The following CCDC81 variants were observed in gnomAD, a reference collection of about 807,000 sequenced individuals.
The protein encoded by CCDC81 is coiled-coil domain-containing protein 81.
CCDC81 carries 79 observed loss-of-function variants against 83.7 expected under a neutral mutation model. That is an observed-to-expected ratio of 0.94 (90% confidence interval 0.79 to 1.14). The LOEUF (loss-of-function observed/expected upper bound fraction) is 1.14, where lower values mean the gene tolerates loss of function less well. Ranked by LOEUF, CCDC81 falls within the 50% of genes most tolerant of loss-of-function variation. The pLI is 0.00. For missense variants in CCDC81, 791 were observed against 778.1 expected, an observed-to-expected ratio of 1.02 and a Z score of -0.20; for synonymous variants, 252 against 278.1, an observed-to-expected ratio of 0.91 and a Z score of 0.93.
chr11:86,404,098 G>A (rs1287689863), intron 7 of CCDC81, among the ~76,000 whole-genome samples: 1 of 151,978 alleles, frequency 6.6e-6, no homozygotes, highest in African/African-American at 2.4e-5. Context: ...AATCCTCTTG[G>A]ATCATAAGAA....
At chr11:86,405,688 T>C (rs987347920) in intron 7 of CCDC81, among the ~76,000 whole-genome samples, 1 of 152,232 alleles carries the variant, frequency 6.6e-6, no homozygotes, top group South Asian at 2.1e-4. Context: ...TGGTTTTAAG[T>C]GTTAAAACAT....
intron 11 of CCDC81, chr11:86,414,210 G>A (rs1948684610): frequency 6.6e-6 from 1 of 152,140 alleles, no homozygotes; most frequent in Non-Finnish European, 1.5e-5. Flanking sequence ...TGGTGGTGAT[G>A]TGTCTGCTGT....
chr11:86,392,971 A>G (rs1565761264), intron 4 of CCDC81, among the ~76,000 whole-genome samples, 174 bp downstream of exon 4: 2 of 152,270 alleles, frequency 1.3e-5, no homozygotes, highest in Non-Finnish European at 2.9e-5. Flanking sequence ...AAGATCAGGA[A>G]GGCAAAGGAA....
intron 1 of CCDC81, among the ~76,000 whole-genome samples, chr11:86,378,697 G>A (rs1218201621): frequency 6.6e-6 from 1 of 152,142 alleles, no homozygotes; most frequent in Non-Finnish European, 1.5e-5. Flanking sequence ...CTTCTTGAAA[G>A]ATTGACCCCT....
At chr11:86,409,517 G>A in intron 10 of CCDC81, 152 bp downstream of exon 10, 1 of 420,456 alleles carries the variant, frequency 2.4e-6, no homozygotes, top group Non-Finnish European at 4.3e-6. Flanking sequence ...CAATGGTGTG[G>A]TCTCAGCTCA....
chr11:86,407,243 T>C (rs1446594170), intron 7 of CCDC81, among the ~76,000 whole-genome samples: 2 of 152,234 alleles, frequency 1.3e-5, no homozygotes, highest in African/African-American at 4.8e-5. Flanking sequence ...CAGGGACTTT[T>C]GTATGTGTGT....
At chr11:86,393,557 T>C (rs183549119) in intron 4 of CCDC81, among the ~76,000 whole-genome samples, 2 of 152,356 alleles carry the variant, frequency 1.3e-5, no homozygotes, top group East Asian at 3.9e-4. Context: ...CTGGTTCTAC[T>C]ATTTTATTTT....
chr11:86,384,372 T>C (rs1948212950), intron 1 of CCDC81, among the ~76,000 whole-genome samples: 1 of 152,056 alleles, frequency 6.6e-6, no homozygotes, highest in Non-Finnish European at 1.5e-5. Context: ...TGCCTGATTA[T>C]AGAAAGTGAT....
chr11:86,412,089 C>G (rs182409090), intron 10 of CCDC81, among the ~76,000 whole-genome samples: 2 of 152,342 alleles, frequency 1.3e-5, no homozygotes, highest in Admixed American at 1.3e-4. Flanking sequence ...TCCTTGGCTA[C>G]AGCACCCAAT....
chr11:86,379,844 C>A (rs950252671), intron 1 of CCDC81, among the ~76,000 whole-genome samples: 2 of 152,060 alleles, frequency 1.3e-5, no homozygotes, highest in African/African-American at 2.4e-5. Context: ...ATTAGATGGA[C>A]ATGGTGGCAC....
chr11:86,412,312 T>C (rs1948653945), intron 10 of CCDC81, 75 bp from the exon 11 acceptor site: 2 of 1,150,582 alleles, frequency 1.7e-6, no homozygotes, highest in Non-Finnish European at 1.2e-6. Context: ...CTTTCTGATT[T>C]ATCTTAGTCT....
chr11:86,389,755 G>C (rs529569483), intron 3 of CCDC81, among the ~76,000 whole-genome samples: 1 of 152,314 alleles, frequency 6.6e-6, no homozygotes, highest in Admixed American at 6.5e-5. Flanking sequence ...ACATTTTATA[G>C]TGGTTTTTAA....
chr11:86,414,828 G>A lies in CCDC81; in HGVS notation c.1431G>A (p.Met477Ile), dbSNP rs757143102. The change falls in exon 12 of 15, where the codon ATG (methionine) becomes ATA (isoleucine). Residue 477 changes from methionine to isoleucine, a missense_variant. Coordinates refer to ENST00000445632, the MANE Select transcript of CCDC81 (RefSeq NM_001156474.2). ...GAGCGAAATTTTTAAAAGATAAGAT[G>A]GAAGAAACACAGTGTTACAAGAGAG... ...AQRAKFLKDK[M>I]EETQCYKRAL... is the part of the protein sequence containing the mutation. 16 of 1,611,954 alleles carry A rather than the reference G, an allele frequency of 9.9e-6. No individual in the cohort carries two copies. The highest frequency in any genetic ancestry group is 1.4e-5 in the Non-Finnish European group (16 of 1,179,636).
chr11:86,396,656 G>A (rs547780260), intron 5 of CCDC81, among the ~76,000 whole-genome samples: 18 of 152,180 alleles, frequency 1.2e-4, no homozygotes, highest in African/African-American at 4.3e-4. Context: ...AGCCTTAGAG[G>A]TTGTTTTCCA....
At chr11:86,412,318 A>G in intron 10 of CCDC81, 69 bp from the exon 11 acceptor site, 2 of 1,170,968 alleles carry the variant, frequency 1.7e-6, no homozygotes, top group Non-Finnish European at 2.4e-6. Context: ...GATTTATCTT[A>G]GTCTTCTGAA....
chr11:86,401,378 T>C (rs562302841), intron 7 of CCDC81, among the ~76,000 whole-genome samples: 52 of 152,308 alleles, frequency 3.4e-4, no homozygotes, highest in Non-Finnish European at 6.3e-4. Flanking sequence ...TGCTCATTCA[T>C]TGTTTACTGA....
Position 86,415,239 on chromosome 11 carries a change from C to G in CCDC81, c.1617C>G (p.His539Gln). Reference protein sequence around the residue: ...MKHQLEAAANHKRKAILHQLV... With the variant: ...MKHQLEAAANQKRKAILHQLV... The stretch of plus-strand genomic sequence containing the variant: ...ACCAGCTGGAGGCAGCTGCTAACCA[C>G]AAGAGGAAAGCCATCCTGCATCAAC... The change falls in exon 13 of 15, where the codon CAC becomes CAG. Residue 539 changes from histidine (H) to glutamine (Q), a missense_variant. Coordinates refer to ENST00000445632, the MANE Select transcript of CCDC81 (RefSeq NM_001156474.2). 6.2e-7 allele frequency: 1 copy of G among 1,614,192 alleles called. No individual in the cohort carries two copies. Among genetic ancestry groups the G allele is most frequent in the Admixed American group, 1.7e-5 (1 of 60,024 alleles).
chr11:86,405,094 CCTCA>C (rs1327697618), intron 7 of CCDC81, among the ~76,000 whole-genome samples: 15 of 152,040 alleles, frequency 9.9e-5, no homozygotes, highest in Non-Finnish European at 1.5e-4. Flanking sequence ...GCTTTTAAAT[CCTCA>C]CTATTTTTTT....
chr11:86,387,840 A>G (rs1303237136), intron 3 of CCDC81, among the ~76,000 whole-genome samples, 168 bp downstream of exon 3: 1 of 152,198 alleles, frequency 6.6e-6, no homozygotes, highest in East Asian at 1.9e-4. Flanking sequence ...AAAATAATAG[A>G]GTCTTCCTGA....
Sources: allele counts gnomAD v4.1 joint callset (sites outside exome capture counted in the v4.1 genomes callset), GRCh38; gene constraint gnomAD v4.1.1; transcripts MANE v1.5; gene names NCBI Gene and HGNC (gene_info 2026-07-23, HGNC 2026-07-21).